The following EPS15L1 variants were observed in gnomAD, a reference collection of about 807,000 sequenced individuals.
EPS15L1 encodes epidermal growth factor receptor pathway substrate 15 like 1.
In EPS15L1, 43 loss-of-function variants were observed where a neutral mutation model predicts 117.1. The observed-to-expected ratio is 0.37, with a 90% CI of 0.29 to 0.47. EPS15L1 has a LOEUF of 0.47. EPS15L1 is among the 20% of genes least tolerant of loss of function. The pLI is 0.99. For synonymous variants in EPS15L1, 459 were observed against 470.5 expected (o/e 0.98, Z 0.32); for missense variants, 981 against 1,164.0 (o/e 0.84, Z 2.29).
chr19:16,371,453 G>C lies in EPS15L1; in HGVS notation c.2380+5669C>G, dbSNP rs377129788. On this transcript the variant is annotated intron_variant, in intron 22 of 23. Coordinates refer to ENST00000455140, the MANE Select transcript of EPS15L1 (RefSeq NM_001258374.3). This position sits in a 1 kb window ranked among gnomAD's most constrained non-coding sequence, Gnocchi z 4.7. ...CGCTGGTTAAACTTAGGTAAAAGCT[G>C]TTCGTTAGTGCAACTGTGGGGAGGG... Among the ~76,000 whole-genome samples, 10 of 152,230 alleles carry C rather than the reference G, an allele frequency of 6.6e-5. No individual in the cohort carries two copies. The highest frequency in any genetic ancestry group is 2.2e-4 in the African/African-American group (9 of 41,454).
chr19:16,393,320 C>T (rs1264337168), intron 18 of EPS15L1, among the ~76,000 whole-genome samples: 1 of 151,782 alleles, frequency 6.6e-6, no homozygotes, highest in Non-Finnish European at 1.5e-5. Flanking sequence ...TGCTTTAAAA[C>T]AGTGACTTTT....
chr19:16,411,555 A>C (rs2092705842), intron 13 of EPS15L1, among the ~76,000 whole-genome samples: 1 of 152,222 alleles, frequency 6.6e-6, no homozygotes, highest in South Asian at 2.1e-4. Context: ...TGAAATGTAC[A>C]CTTTAATACA....
At chr19:16,455,491 C>CGA (rs1461002688) in intron 1 of EPS15L1, among the ~76,000 whole-genome samples, 1 of 152,224 alleles carries the variant, frequency 6.6e-6, no homozygotes, top group Admixed American at 6.5e-5. Flanking sequence ...GATGCACTGC[C>CGA]CTGTGGAGGA....
At chr19:16,428,552 GAAAGGA>G (rs2092899365) in intron 8 of EPS15L1, 144 bp downstream of exon 8, 6 of 391,194 alleles carry the variant, frequency 1.5e-5, no homozygotes, top group African/African-American at 3.3e-5. Context: ...AGACAGAAAA[GAAAGGA>G]AAAGAAAGGA....
chr19:16,413,077 T>C, intron 13 of EPS15L1: 1 of 697,928 alleles, frequency 1.4e-6, no homozygotes, highest in East Asian at 2.9e-5. Context: ...AAGGCGTTTG[T>C]TGCTATCGGG....
intron 1 of EPS15L1, among the ~76,000 whole-genome samples, chr19:16,461,450 C>T (rs1357537755): frequency 1.3e-5 from 2 of 151,888 alleles, no homozygotes; most frequent in African/African-American, 4.8e-5. Flanking sequence ...GGAGAAACCC[C>T]ATCTCTACAA....
chr19:16,438,013 G>A (rs901785664), intron 4 of EPS15L1, 148 bp from the exon 5 acceptor site: 21 of 625,498 alleles, frequency 3.4e-5, no homozygotes, highest in Non-Finnish European at 5.2e-5. Flanking sequence ...GCGTTGGGCT[G>A]AACTGGACTC....
intron 4 of EPS15L1, among the ~76,000 whole-genome samples, chr19:16,440,276 T>C (rs1327068949): frequency 6.6e-6 from 1 of 151,750 alleles, no homozygotes; most frequent in Admixed American, 6.6e-5. Flanking sequence ...CTACTAAAAA[T>C]ACAAAAATTA....
Position 16,370,918 on chromosome 19 carries a change from G to A in EPS15L1, c.2380+6204C>T, listed in dbSNP as rs1464831730. 1.3e-5 allele frequency among the ~76,000 whole-genome samples: 2 copies of A among 152,114 alleles called. No individual in the cohort carries two copies. The highest frequency in any genetic ancestry group is 6.5e-5 in the Admixed American group (1 of 15,286). On this transcript the variant is annotated intron_variant, in intron 22 of 23. Transcript: ENST00000455140. This position sits in a 1 kb window ranked among gnomAD's most constrained non-coding sequence, Gnocchi z 5.2. ...TGGTTGGCCGTTTTAGGCTCCTTGGGACCCCCTCCCCATCCTGGCTGGCAG... is the reference window on the plus strand; with the variant it reads ...TGGTTGGCCGTTTTAGGCTCCTTGGAACCCCCTCCCCATCCTGGCTGGCAG...
chr19:16,407,181 G>A (rs144692903), intron 13 of EPS15L1, among the ~76,000 whole-genome samples: 2 of 152,310 alleles, frequency 1.3e-5, no homozygotes, highest in East Asian at 3.9e-4. Context: ...AGCGTCTGCA[G>A]TGACAAAGGT....
At chr19:16,402,056 C>T (rs1049692163) in intron 16 of EPS15L1, 24 of 1,215,498 alleles carry the variant, frequency 2.0e-5, no homozygotes, top group Admixed American at 4.0e-5. Flanking sequence ...AATACTTCCG[C>T]AGAGATGGAG....
chr19:16,470,671 A>T (rs1306033789), intron 1 of EPS15L1, among the ~76,000 whole-genome samples: 1 of 152,088 alleles, frequency 6.6e-6, no homozygotes, highest in African/African-American at 2.4e-5. Context: ...CAGTGTTGCA[A>T]ATTGGCTAGC....
chr19:16,438,223 G>C (rs1319876004), intron 4 of EPS15L1, among the ~76,000 whole-genome samples: 4 of 152,076 alleles, frequency 2.6e-5, no homozygotes, highest in Non-Finnish European at 5.9e-5. Flanking sequence ...CGTGGTGGCA[G>C]GTGCCTGAAA....
At chr19:16,467,935 G>A (rs112164729) in intron 1 of EPS15L1, among the ~76,000 whole-genome samples, 7 of 152,250 alleles carry the variant, frequency 4.6e-5, no homozygotes, top group African/African-American at 1.7e-4. Context: ...GGGAATAAAA[G>A]CCTCCTAGAA....
At chr19:16,438,058 A>G (rs749434959) in intron 4 of EPS15L1, among the ~76,000 whole-genome samples, 193 bp from the exon 5 acceptor site, 2 of 152,124 alleles carry the variant, frequency 1.3e-5, no homozygotes, top group African/African-American at 2.4e-5. Context: ...ATACACTAAA[A>G]TGGACTTATC....
At chr19:16,447,044 T>C (rs1171292949) in intron 1 of EPS15L1, among the ~76,000 whole-genome samples, 1 of 152,200 alleles carries the variant, frequency 6.6e-6, no homozygotes, top group Non-Finnish European at 1.5e-5. Flanking sequence ...TCCTTCCATT[T>C]CTGCCTTCCC....
At chr19:16,407,582 T>C (rs762187527) in intron 13 of EPS15L1, among the ~76,000 whole-genome samples, 3 of 152,222 alleles carry the variant, frequency 2.0e-5, no homozygotes, top group Non-Finnish European at 4.4e-5. Flanking sequence ...AGACTCAGTC[T>C]CCCAAAGTGC....
At chr19:16,462,693 A>G (rs904352988) in intron 1 of EPS15L1, among the ~76,000 whole-genome samples, 4 of 152,020 alleles carry the variant, frequency 2.6e-5, no homozygotes, top group Non-Finnish European at 4.4e-5. Flanking sequence ...AAAACAAAGA[A>G]TCAGGGAAGT....
In EPS15L1 at chr19:16,381,019, T is replaced by C. The variant is rs2092356373; in HGVS notation, c.2248-3765A>G. 6.6e-6 allele frequency among the ~76,000 whole-genome samples: 1 copy of C among 152,124 alleles called. No homozygotes were observed. Among genetic ancestry groups the C allele is most frequent in the African/African-American group, 2.4e-5 (1 of 41,436 alleles). ...GCCCCTCTAAGAGGCAGCCTACCCA[T>C]TCCAGGTCCCCCCGATAAGGGCAGT... On this transcript the variant is annotated intron_variant, in intron 21 of 23. Coordinates refer to ENST00000455140, the MANE Select transcript of EPS15L1 (RefSeq NM_001258374.3). The surrounding 1 kb of genome is among the most constrained non-coding windows in gnomAD (Gnocchi z 4.2).
Sources: gnomAD v4.1 joint callset for allele counts (sites outside exome capture counted in the v4.1 genomes callset) on GRCh38, gnomAD v4.1.1 for gene constraint, Gnocchi (gnomAD v3.1) non-coding constraint, MANE v1.5 for transcripts, NCBI Gene and HGNC (gene_info 2026-07-23, HGNC 2026-07-21) for gene names.